The following CNTN5 variants were observed in gnomAD, a reference collection of about 807,000 sequenced individuals.
CNTN5 encodes the protein contactin-5.
Under a neutral mutation model 129.1 loss-of-function variants are expected in CNTN5, and 77 were observed. That is an observed-to-expected ratio of 0.60 (90% confidence interval 0.50 to 0.72). CNTN5 has a LOEUF of 0.72. Ranked by LOEUF, CNTN5 falls within the 30% of genes least tolerant of loss-of-function variation. The pLI is 0.00. For missense variants in CNTN5, 1,478 were observed against 1,328.8 expected, an observed-to-expected ratio of 1.11 and a Z score of -1.75; for synonymous variants, 509 against 465.6, an observed-to-expected ratio of 1.09 and a Z score of -1.20.
At chr11:100,308,652 T>C in intron 21 of CNTN5, 184 bp downstream of exon 21, 9 of 1,302,702 alleles carry the variant, frequency 6.9e-6, no homozygotes, top group African/African-American at 3.0e-5. Flanking sequence ...CTGGTTTATT[T>C]TTCAGTACAG....
At chr11:100,308,699 G>C in intron 21 of CNTN5, 1 of 1,113,906 alleles carries the variant, frequency 9.0e-7, no homozygotes, top group Middle Eastern at 3.9e-4. Context: ...GTTTTTAAAA[G>C]ATGAAATAGA....
rs1222896647 is a variant in CNTN5, at chr11:100,326,382, T to A, written c.2731-14081T>A. 2.0e-5 allele frequency among the ~76,000 whole-genome samples: 3 copies of A among 152,078 alleles called. No individual in the cohort carries two copies. The East Asian group carries it at 5.8e-4, about 29-fold the overall frequency. On this transcript the variant is annotated intron_variant, in intron 21 of 24. Transcript: ENST00000524871. ...AATTCTGACATTTAAGATAGAGAAA[T>A]TCCAATGTTTCAAGAAATATTAAAA... is the stretch of plus-strand genomic sequence containing the variant.
intron 7 of CNTN5, among the ~76,000 whole-genome samples, chr11:99,935,073 C>G (rs1950285174): frequency 6.7e-6 from 1 of 150,298 alleles, no homozygotes; most frequent in South Asian, 2.1e-4. Flanking sequence ...AGAAATATAT[C>G]TTCACATAGA....
chr11:99,884,656 G>A lies in CNTN5; in HGVS notation c.578-31398G>A, dbSNP rs1948852578. On this transcript the variant is annotated intron_variant, in intron 6 of 24. Transcript: ENST00000524871. Reference sequence around the variant, plus strand: ...CAGTTAGACACATTATAGTGAAACTGTAGAACATATATTACAGAGATGTTA... The same window carrying A: ...CAGTTAGACACATTATAGTGAAACTATAGAACATATATTACAGAGATGTTA... 3.3e-5 allele frequency among the ~76,000 whole-genome samples: 5 copies of A among 152,196 alleles called. No individual in the cohort carries two copies. In the South Asian group the frequency reaches 1.0e-3, roughly 32 times the overall value.
rs964745460 is a variant in CNTN5, at chr11:99,712,662, G to GT, written c.56-106881dup. Among the ~76,000 whole-genome samples the GT allele has an allele frequency of 2.4e-4, 36 of 152,162 alleles. 1 individual carries two copies. The highest frequency in any genetic ancestry group is 7.0e-4 in the African/African-American group (29 of 41,554). On this transcript the variant is annotated intron_variant, in intron 3 of 24. Coordinates refer to ENST00000524871, the MANE Select transcript of CNTN5 (RefSeq NM_014361.4). ...TTTTGAGTTAATTTTTGTATAAGGT[G>GT]TAAGGAAGGGATCTAGTTTCAGCTT...
At chr11:99,853,982 C>T (rs186331683) in intron 6 of CNTN5, among the ~76,000 whole-genome samples, 50 of 152,266 alleles carry the variant, frequency 3.3e-4, no homozygotes, top group African/African-American at 1.1e-3. Flanking sequence ...TCAAAACATA[C>T]TTTGCATTAC....
chr11:99,500,734 CA>C (rs1345318627), intron 2 of CNTN5, among the ~76,000 whole-genome samples: 1 of 152,124 alleles, frequency 6.6e-6, no homozygotes, highest in Non-Finnish European at 1.5e-5. Context: ...TGTTTTCATA[CA>C]AACATAATAG....
chr11:100,299,134 G>A, intron 19 of CNTN5, 28 bp from the exon 20 acceptor site: 1 of 1,373,692 alleles, frequency 7.3e-7, no homozygotes, highest in Non-Finnish European at 1.0e-6. Context: ...TCATTTTGCT[G>A]ATAATTAATT....
intron 15 of CNTN5, among the ~76,000 whole-genome samples, chr11:100,223,366 A>G (rs1949306568): frequency 6.6e-6 from 1 of 152,178 alleles, no homozygotes; most frequent in African/African-American, 2.4e-5. Flanking sequence ...AAAACATAGT[A>G]TATAGTAATT....
chr11:99,176,293 A>G (rs570285344), intron 1 of CNTN5, among the ~76,000 whole-genome samples: 1 of 151,904 alleles, frequency 6.6e-6, no homozygotes, highest in Non-Finnish European at 1.5e-5. Flanking sequence ...GTGCTTAGTC[A>G]TTAGATTATT....
intron 8 of CNTN5, among the ~76,000 whole-genome samples, chr11:99,986,215 C>T (rs1380853767): frequency 6.6e-6 from 1 of 152,124 alleles, no homozygotes; most frequent in African/African-American, 2.4e-5. Flanking sequence ...TGTCAGCTCT[C>T]AACTCTCTAT....
At chr11:99,581,160 C>T (rs879673095) in intron 3 of CNTN5, among the ~76,000 whole-genome samples, 7,511 of 99,750 alleles carry the variant, frequency 0.075, 3 homozygotes, top group Admixed American at 0.11. Flanking sequence ...GTTTCTTAAT[C>T]CTGAGTTCTA....
intron 1 of CNTN5, among the ~76,000 whole-genome samples, chr11:99,082,654 CTT>C (rs918338013): frequency 1.3e-5 from 2 of 152,094 alleles, no homozygotes; most frequent in African/African-American, 4.8e-5. Context: ...TTGCTGATCT[CTT>C]TTATCTAAGA....
intron 6 of CNTN5, among the ~76,000 whole-genome samples, chr11:99,897,883 C>A (rs571881987): frequency 1.3e-5 from 2 of 152,236 alleles, no homozygotes; most frequent in African/African-American, 4.8e-5. Flanking sequence ...TAATGATCTG[C>A]TGTCTTCAGG....
At chr11:100,142,697 G>A (rs1946732952) in intron 13 of CNTN5, among the ~76,000 whole-genome samples, 1 of 152,042 alleles carries the variant, frequency 6.6e-6, no homozygotes, top group Admixed American at 6.6e-5. Flanking sequence ...ATATTCCTGG[G>A]ATGCTACTGT....
At chr11:99,916,444 C>T (rs542147674) in intron 7 of CNTN5, among the ~76,000 whole-genome samples, 1 of 152,206 alleles carries the variant, frequency 6.6e-6, no homozygotes, top group South Asian at 2.1e-4. Context: ...AAGCGATAAA[C>T]TGAGAGAATG....
intron 9 of CNTN5, among the ~76,000 whole-genome samples, chr11:100,043,135 A>T (rs1018810339): frequency 6.6e-6 from 1 of 152,204 alleles, no homozygotes; most frequent in East Asian, 1.9e-4. Flanking sequence ...TATGCTCTCA[A>T]ATATTTTTTA....
chr11:100,018,285 G>A (rs1430191785), intron 9 of CNTN5, among the ~76,000 whole-genome samples: 5 of 151,802 alleles, frequency 3.3e-5, no homozygotes, highest in Non-Finnish European at 5.9e-5. Flanking sequence ...ATTTCTACAT[G>A]TACACTTATA....
intron 3 of CNTN5, among the ~76,000 whole-genome samples, chr11:99,699,528 T>C (rs1327430705): frequency 6.6e-5 from 10 of 151,490 alleles, no homozygotes; most frequent in Non-Finnish European, 3.0e-5. Context: ...AAGTAATGAA[T>C]AAACAATACT....
Sources: gnomAD v4.1 joint callset for allele counts (sites outside exome capture counted in the v4.1 genomes callset) on GRCh38, gnomAD v4.1.1 for gene constraint, MANE v1.5 for transcripts, NCBI Gene and HGNC (gene_info 2026-07-23, HGNC 2026-07-21) for gene names.